The following STT3B variants were observed in gnomAD, a reference collection of about 807,000 sequenced individuals.
STT3B encodes STT3 oligosaccharyltransferase complex catalytic subunit B.
Under a neutral mutation model 96.8 loss-of-function variants are expected in STT3B, and 29 were observed. The ratio of observed to expected loss-of-function variants is 0.30; its 90% confidence interval spans 0.22 to 0.41. The LOEUF is 0.41. Among genes scored for constraint, STT3B ranks in the 10% least tolerant of loss-of-function variants. The pLI is 1.00. For missense variants in STT3B, 640 were observed against 1,022.3 expected, an observed-to-expected ratio of 0.63 and a Z score of 5.10; for synonymous variants, 367 against 360.0, an observed-to-expected ratio of 1.02 and a Z score of -0.22.
intron 3 of STT3B, 117 bp downstream of exon 3, chr3:31,580,213 A>T: frequency 1.1e-6 from 1 of 930,762 alleles, no homozygotes; most frequent in South Asian, 1.7e-5. Flanking sequence ...AGAGATCTGT[A>T]TTACTGTTCA....
At chr3:31,591,080 C>T (rs1698653209) in intron 3 of STT3B, among the ~76,000 whole-genome samples, 1 of 152,066 alleles carries the variant, frequency 6.6e-6, no homozygotes, top group Admixed American at 6.6e-5. Flanking sequence ...TTGGAGATTT[C>T]AATAACTGCC....
At chr3:31,629,432 T>G in intron 14 of STT3B, 21 bp downstream of exon 14, 6 of 1,332,196 alleles carry the variant, frequency 4.5e-6, no homozygotes, top group Non-Finnish European at 6.4e-6. Context: ...TCCATTTTTC[T>G]CTAATTTTCA....
At chr3:31,542,851 G>A (rs1021342644) in intron 1 of STT3B, among the ~76,000 whole-genome samples, 17 of 152,076 alleles carry the variant, frequency 1.1e-4, no homozygotes, top group Admixed American at 4.6e-4. Flanking sequence ...GGTGGATCAT[G>A]AGGTCAGGAG....
At chr3:31,552,889 G>C (rs1255479194) in intron 1 of STT3B, among the ~76,000 whole-genome samples, 1 of 152,018 alleles carries the variant, frequency 6.6e-6, no homozygotes, top group South Asian at 2.1e-4. Flanking sequence ...GGATCACGAG[G>C]TCAGGAGATC....
chr3:31,609,008 A>T (rs4443213), intron 5 of STT3B, among the ~76,000 whole-genome samples: 86,600 of 151,872 alleles, frequency 0.57, 27,613 homozygotes, highest in Non-Finnish European at 0.72. Flanking sequence ...CCAGCTACTC[A>T]GGAGGCCGAG....
intron 2 of STT3B, among the ~76,000 whole-genome samples, chr3:31,577,492 T>C (rs796387467): frequency 1.1e-4 from 16 of 152,288 alleles, no homozygotes; most frequent in South Asian, 8.3e-4. Context: ...TACCCAGTTA[T>C]GTTTTTTTGC....
At chr3:31,582,544 CG>C (rs1391086071) in intron 3 of STT3B, among the ~76,000 whole-genome samples, 6 of 152,098 alleles carry the variant, frequency 3.9e-5, no homozygotes, top group Middle Eastern at 3.4e-3. Flanking sequence ...CCACCCACCT[CG>C]GCCTCCCAAA....
At chr3:31,544,250 C>T (rs1697349300) in intron 1 of STT3B, among the ~76,000 whole-genome samples, 1 of 152,100 alleles carries the variant, frequency 6.6e-6, no homozygotes, top group African/African-American at 2.4e-5. Flanking sequence ...TCTGACTGAT[C>T]TCATTTAAAC....
At position 31,585,556 on chromosome 3, in the gene STT3B, GTTTTGTTTTGTTTTGTT is replaced by G. The variant is rs1281511350; in HGVS notation, c.711+5480_711+5496del. ...GTGTTTATCATATTGCCTCTTACAG[GTTTTGTTTTGTTTTGTT>G]TTTTGTTTTGTTTTGTTTTGTTTCT... On this transcript the variant is annotated intron_variant, in intron 3 of 15. Coordinates refer to ENST00000295770, the MANE Select transcript of STT3B (RefSeq NM_178862.3). 1.3e-4 allele frequency among the ~76,000 whole-genome samples: 19 copies of G among 143,864 alleles called. No homozygotes were observed. In the South Asian group the frequency reaches 3.3e-3, roughly 25 times the overall value. 94.4% of individuals were successfully genotyped at this position (143,864 alleles called of 152,430 possible).
intron 1 of STT3B, among the ~76,000 whole-genome samples, chr3:31,546,377 TCTTGTTC>T (rs1050232650): frequency 1.2e-4 from 18 of 152,312 alleles, no homozygotes; most frequent in Admixed American, 5.9e-4. Context: ...TCATCTGGAA[TCTTGTTC>T]CATTGGGACC....
rs755833826 is a variant in STT3B at position 31,579,833 on chromosome 3, G to T, written c.448G>T (p.Ala150Ser). 7.4e-6 allele frequency: 12 copies of T among 1,612,760 alleles called. No homozygotes were observed. Among genetic ancestry groups the T allele is most frequent in the Non-Finnish European group, 1.0e-5 (12 of 1,179,210 alleles). ...GTVYPGLMIT[A>S]GLIHWILNTL... ...GGTTTACCCAGGGTTGATGATAACC[G>T]CTGGCCTTATTCATTGGATTTTAAA... is the stretch of plus-strand genomic sequence containing the variant. Residue 150 changes from alanine to serine, a missense_variant, in exon 3 of 16, where the codon GCT becomes TCT. This residue lies in a region of STT3B where 267 missense variants were observed against 388.3 expected (regional missense o/e 0.69). Transcript: ENST00000295770.
At chr3:31,629,755 T>G (rs895061891) in intron 14 of STT3B, among the ~76,000 whole-genome samples, 1 of 152,214 alleles carries the variant, frequency 6.6e-6, no homozygotes, top group African/African-American at 2.4e-5. Flanking sequence ...TAGGTCACTT[T>G]GCTGCTTGGT....
At chr3:31,620,154 A>G in intron 9 of STT3B, 1 of 307,554 alleles carries the variant, frequency 3.3e-6, no homozygotes, top group Non-Finnish European at 6.0e-6. Context: ...GCATGCCTGT[A>G]ATCCCAGCTA....
chr3:31,566,788 T>C (rs1698018334), intron 1 of STT3B, among the ~76,000 whole-genome samples: 1 of 152,204 alleles, frequency 6.6e-6, no homozygotes, highest in Non-Finnish European at 1.5e-5. Flanking sequence ...CCCCAGCTCT[T>C]GTTTCAAACT....
At chr3:31,594,302 C>T (rs371253469) in intron 3 of STT3B, among the ~76,000 whole-genome samples, 38 of 152,230 alleles carry the variant, frequency 2.5e-4, no homozygotes, top group Middle Eastern at 3.4e-3. Context: ...GGAGATAGCA[C>T]GAGATCCCAC....
At chr3:31,559,091 T>C (rs1483776214) in intron 1 of STT3B, among the ~76,000 whole-genome samples, 3 of 151,138 alleles carry the variant, frequency 2.0e-5, no homozygotes, top group Admixed American at 6.6e-5. Context: ...GGTTTTTTTT[T>C]TTTTAAATCT....
chr3:31,625,084 T>G lies in STT3B; in HGVS notation c.1898T>G (p.Leu633Arg), dbSNP rs761285199. 1 of 1,610,654 alleles carries G rather than the reference T, an allele frequency of 6.2e-7. No homozygotes were observed. Among genetic ancestry groups the G allele is most frequent in the Non-Finnish European group, 8.5e-7 (1 of 1,178,450 alleles). ...ACCTGGAATAACAGCCACATAGCAC[T>G]GGTAAGGATTTACTAAATACAAGGT... is the stretch of plus-strand genomic sequence containing the variant. ...NNTWNNSHIA[L>R]VGKAMSSNET... Residue 633 changes from leucine (L) to arginine (R), a missense_variant and splice_region_variant, in exon 12 of 16, where the codon CTG (leucine) becomes CGG (arginine). Transcript: ENST00000295770.
At chr3:31,566,117 T>A (rs1697998177) in intron 1 of STT3B, among the ~76,000 whole-genome samples, 1 of 152,194 alleles carries the variant, frequency 6.6e-6, no homozygotes, top group African/African-American at 2.4e-5. Flanking sequence ...CATATGTCAT[T>A]CAAAACTGTG....
chr3:31,591,002 G>C (rs1478164441), intron 3 of STT3B, among the ~76,000 whole-genome samples: 1 of 152,026 alleles, frequency 6.6e-6, no homozygotes, highest in Non-Finnish European at 1.5e-5. Context: ...GGTCAAGTTG[G>C]TTGATATTGT....
Sources: gnomAD v4.1 joint callset for allele counts (sites outside exome capture counted in the v4.1 genomes callset) on GRCh38, gnomAD v4.1.1 for gene constraint, gnomAD v4.1.1 regional missense constraint, MANE v1.5 for transcripts, NCBI Gene and HGNC (gene_info 2026-07-23, HGNC 2026-07-21) for gene names.